ANKRD11: variants seen among roughly 807,000 people sequenced by gnomAD.
ANKRD11 encodes the protein ankyrin repeat domain-containing protein 11.
ANKRD11 carries 17 observed loss-of-function variants against 195.7 expected under a neutral mutation model. The observed-to-expected ratio is 0.09, with a 90% confidence interval of 0.06 to 0.13. ANKRD11 has a LOEUF of 0.13. Among genes scored for constraint, ANKRD11 ranks in the 10% least tolerant of loss-of-function variants. The pLI, the probability that ANKRD11 is intolerant of heterozygous loss-of-function variation, is 1.00. For synonymous variants in ANKRD11, 1,953 were observed against 1,528.1 expected, an observed-to-expected ratio of 1.28 and a Z score of -6.49; for missense variants, 3,735 against 3,566.1, an observed-to-expected ratio of 1.05 and a Z score of -1.21.
intron 1 of ANKRD11, among the ~76,000 whole-genome samples, chr16:89,457,913 C>T (rs1278226211): frequency 6.6e-6 from 1 of 152,152 alleles, no homozygotes; most frequent in Non-Finnish European, 1.5e-5. Context: ...AACCAATACA[C>T]AATCGTCAGA....
At chr16:89,351,959 G>A (rs986854924) in intron 2 of ANKRD11, among the ~76,000 whole-genome samples, 1 of 152,198 alleles carries the variant, frequency 6.6e-6, no homozygotes, top group African/African-American at 2.4e-5. Flanking sequence ...CGCCCAGGAT[G>A]GAGTGCAGTG....
intron 2 of ANKRD11, among the ~76,000 whole-genome samples, chr16:89,414,783 A>G (rs556003870): frequency 6.6e-6 from 1 of 152,284 alleles, no homozygotes; most frequent in Admixed American, 6.5e-5. Context: ...CAAGCTGGGC[A>G]CCTAAGTCAC....
At chr16:89,361,323 G>A (rs2039722580) in intron 2 of ANKRD11, among the ~76,000 whole-genome samples, 1 of 152,196 alleles carries the variant, frequency 6.6e-6, no homozygotes, top group African/African-American at 2.4e-5. Context: ...CCATCACAGC[G>A]CCGGGGGCGG....
chr16:89,304,487 G>GGCATAGACGGGCAC (rs2036049114), intron 4 of ANKRD11, among the ~76,000 whole-genome samples: 1 of 148,794 alleles, frequency 6.7e-6, no homozygotes. Flanking sequence ...CACATACACG[G>GGCATAGACGGGCAC]GCATAGACGG....
rs533867497 is a variant in ANKRD11 at position 89,342,949 on chromosome 16, TC to T, written c.-59-25872del. Among the ~76,000 whole-genome samples the T allele has an allele frequency of 3.1e-3, 479 of 152,322 alleles. 1 individual carries two copies. The highest frequency in any genetic ancestry group is 0.011 in the African/African-American group (462 of 41,568). ...CCAAAACAGGCATCATTTACATGCT[TC>T]ATAATTCCGAATTTGGGATGCACAA... On this transcript the variant is annotated intron_variant, in intron 2 of 12. Transcript: ENST00000301030.
chr16:89,446,590 C>G (rs530673444), intron 1 of ANKRD11, among the ~76,000 whole-genome samples: 1 of 152,134 alleles, frequency 6.6e-6, no homozygotes, highest in Admixed American at 6.5e-5. Flanking sequence ...GGTGACAGAG[C>G]GAGCCCCCGT....
At chr16:89,328,762 G>A (rs1384023499) in intron 2 of ANKRD11, among the ~76,000 whole-genome samples, 1 of 148,306 alleles carries the variant, frequency 6.7e-6, no homozygotes, top group Admixed American at 6.7e-5. Context: ...AATCAGCGGA[G>A]GCCCCTGCTG....
At chr16:89,337,710 G>C (rs997653551) in intron 2 of ANKRD11, among the ~76,000 whole-genome samples, 1 of 152,102 alleles carries the variant, frequency 6.6e-6, no homozygotes, top group Non-Finnish European at 1.5e-5. Context: ...AAAGTGCTGG[G>C]ATTACAGGCG....
chr16:89,268,814 T>C (rs2032864824), intron 12 of ANKRD11, 151 bp from the exon 13 acceptor site: 1 of 879,886 alleles, frequency 1.1e-6, no homozygotes, highest in Non-Finnish European at 1.8e-6. Context: ...GCTCCTGGCA[T>C]CTAGTTACTA....
Position 89,282,734 on chromosome 16 carries a change from A to G in ANKRD11, c.3808T>C (p.Ser1270Pro). The G allele has an allele frequency of 6.2e-7, 1 of 1,613,282 alleles. No individual in the cohort carries two copies. Among genetic ancestry groups the G allele is most frequent in the Non-Finnish European group, 8.5e-7 (1 of 1,179,892 alleles). Residue 1270 changes from serine to proline, a missense_variant, in exon 9 of 13, where the codon TCC becomes CCC. Coordinates refer to ENST00000301030, the MANE Select transcript of ANKRD11 (RefSeq NM_013275.6). ...SDKEHSKERK[S>P]SRSADAEKSL... Reference sequence around the variant, plus strand: ...TTTTCCGCGTCGGCACTTCTCGAGGACTTCCTCTCCTTGGAATGTTCTTTG... The same window carrying G: ...TTTTCCGCGTCGGCACTTCTCGAGGGCTTCCTCTCCTTGGAATGTTCTTTG...
rs749987143 is a variant in ANKRD11, at chr16:89,268,514, G to A, written c.7956C>T (p.Val2652=). The part of the protein sequence containing the change: ...NEVPSFYVPM[V]DVNDDFVLLP... ...ACAATACAAAGTCGTCGTTGACGTCGACCATGGGCACGTAGAAGGAGGGCA... is the reference window on the plus strand; with the variant it reads ...ACAATACAAAGTCGTCGTTGACGTCAACCATGGGCACGTAGAAGGAGGGCA... The change falls in exon 13 of 13, where the codon GTC becomes GTT. Residue 2652 remains valine, a synonymous_variant. Coordinates refer to ENST00000301030, the MANE Select transcript of ANKRD11 (RefSeq NM_013275.6). The A allele has an allele frequency of 2.1e-6, 3 of 1,430,670 alleles. No individual in the cohort carries two copies. Among genetic ancestry groups the A allele is most frequent in the East Asian group, 2.5e-5 (1 of 40,246 alleles). The allele number at this position is 1,430,670 out of a possible 1,614,324, so 88.6% of individuals were successfully genotyped here. A position where few individuals can be genotyped will look rare whatever the true frequency, so the allele number is the denominator to read the frequency against.
intron 1 of ANKRD11, among the ~76,000 whole-genome samples, chr16:89,436,852 C>T (rs946156322): frequency 6.6e-6 from 1 of 152,118 alleles, no homozygotes; most frequent in Non-Finnish European, 1.5e-5. Context: ...ATGGTATTGC[C>T]GAAGCTTTGT....
At chr16:89,374,642 G>A (rs1212023381) in intron 2 of ANKRD11, among the ~76,000 whole-genome samples, 1 of 152,190 alleles carries the variant, frequency 6.6e-6, no homozygotes, top group Non-Finnish European at 1.5e-5. Flanking sequence ...GCCATCTCCC[G>A]CGTGCTACGA....
Position 89,281,934 on chromosome 16 carries a change from G to T in ANKRD11, c.4608C>A (p.Asp1536Glu), listed in dbSNP as rs759416890. Residue 1536 changes from aspartate to glutamate, a missense_variant, in exon 9 of 13, where the codon GAC becomes GAA. Physicochemically the swap from Asp to Glu is conservative, Grantham distance 45. Coordinates refer to ENST00000301030, the MANE Select transcript of ANKRD11 (RefSeq NM_013275.6). This position sits in a 1 kb window ranked among gnomAD's most constrained non-coding sequence, Gnocchi z 5.5. ...GDAKLKEKFK[D>E]GAEKEKGDPV... is the part of the protein sequence containing the mutation. Reference sequence around the variant, plus strand: ...GGTCGCCCTTTTCTTTCTCTGCACCGTCCTTGAATTTCTCCTTCAGTTTGG... The same window carrying T: ...GGTCGCCCTTTTCTTTCTCTGCACCTTCCTTGAATTTCTCCTTCAGTTTGG... The T allele has an allele frequency of 6.2e-7, 1 of 1,612,800 alleles. No individual in the cohort carries two copies. The highest frequency in any genetic ancestry group is 1.3e-5 in the African/African-American group (1 of 74,878).
At chr16:89,309,572 G>A (rs2036496343) in intron 3 of ANKRD11, among the ~76,000 whole-genome samples, 2 of 152,336 alleles carry the variant, frequency 1.3e-5, no homozygotes, top group Admixed American at 1.3e-4. Context: ...AAGCACACAT[G>A]GGCAAGGCGC....
chr16:89,482,778 C>T (rs2057485237), intron 1 of ANKRD11, among the ~76,000 whole-genome samples: 1 of 152,204 alleles, frequency 6.6e-6, no homozygotes, highest in Non-Finnish European at 1.5e-5. Flanking sequence ...GGCAACAGAG[C>T]CGAGACTCTC....
At chr16:89,320,253 C>T (rs2037224113) in intron 2 of ANKRD11, 1 of 152,264 alleles carries the variant, frequency 6.6e-6, no homozygotes, top group Admixed American at 6.5e-5. Context: ...GACCACACAA[C>T]AGAAGGCACC....
chr16:89,404,163 C>CCACA (rs973934842), intron 2 of ANKRD11, among the ~76,000 whole-genome samples: 1 of 152,118 alleles, frequency 6.6e-6, no homozygotes, highest in Non-Finnish European at 1.5e-5. Context: ...TGGACACAGC[C>CCACA]CACAGGTGGC....
At chr16:89,321,904 C>T (rs573515018) in intron 2 of ANKRD11, among the ~76,000 whole-genome samples, 4 of 152,264 alleles carry the variant, frequency 2.6e-5, no homozygotes, top group Admixed American at 6.5e-5. Flanking sequence ...CGTGAAAACC[C>T]GGAGGACGAA....
Sources: allele counts gnomAD v4.1 joint callset (sites outside exome capture counted in the v4.1 genomes callset), GRCh38; gene constraint gnomAD v4.1.1; non-coding constraint Gnocchi (gnomAD v3.1); transcripts MANE v1.5; gene names NCBI Gene and HGNC (gene_info 2026-07-23, HGNC 2026-07-21).